The following FAM107A variants were observed in gnomAD, a reference collection of about 807,000 sequenced individuals.
FAM107A encodes actin-associated protein FAM107A.
In FAM107A, 19 loss-of-function variants were observed where a neutral mutation model predicts 13.7. The ratio of observed to expected loss-of-function variants is 1.38; its 90% CI spans 0.97 to 2.03. The LOEUF is 2.03. Ranked by LOEUF, FAM107A falls within the 30% of genes most tolerant of loss-of-function variation. The pLI, the probability that FAM107A is intolerant of heterozygous loss-of-function variation, is 0.00. For synonymous variants in FAM107A, 82 were observed against 74.5 expected, an observed-to-expected ratio of 1.10 and a Z score of -0.52; for missense variants, 203 against 184.4, an observed-to-expected ratio of 1.10 and a Z score of -0.58.
chr3:58,587,169 G>C, upstream of FAM107A: 1 of 1,299,306 alleles, frequency 7.7e-7, no homozygotes, highest in Non-Finnish European at 9.9e-7. Context: ...GCAGGGCGCG[G>C]GTGAACGTCT....
At chr3:58,627,474 G>A (rs1212018921) in exon 1 of FAM107A, 1 of 163,532 alleles carries the variant, frequency 6.1e-6, no homozygotes, top group Non-Finnish European at 1.3e-5. Flanking sequence ...GCTGGCTGAG[G>A]TGCAGAGCTC....
intron 1 of FAM107A, among the ~76,000 whole-genome samples, chr3:58,602,453 A>G (rs1472306376): frequency 6.6e-6 from 1 of 152,236 alleles, no homozygotes; most frequent in Non-Finnish European, 1.5e-5. Context: ...TCCATTTCTA[A>G]GAATTTAAGA....
intron 1 of FAM107A, among the ~76,000 whole-genome samples, chr3:58,600,811 A>G (rs2065747033): frequency 6.6e-6 from 1 of 152,174 alleles, no homozygotes; most frequent in African/African-American, 2.4e-5. Context: ...GGCAAAGAGA[A>G]CAGAGCTGCC....
At chr3:58,619,311 C>A (rs1000306142) in intron 1 of FAM107A, among the ~76,000 whole-genome samples, 6 of 152,160 alleles carry the variant, frequency 3.9e-5, no homozygotes, top group Admixed American at 3.9e-4. Flanking sequence ...CTTTACATAG[C>A]TGTTTTTTGA....
intron 1 of FAM107A, among the ~76,000 whole-genome samples, chr3:58,615,596 T>A (rs983174729): frequency 1.3e-5 from 2 of 151,958 alleles, no homozygotes; most frequent in African/African-American, 4.8e-5. Flanking sequence ...GGATTTTAGC[T>A]GGAGGGAAGA....
intron 1 of FAM107A, among the ~76,000 whole-genome samples, chr3:58,599,430 T>C (rs932362176): frequency 6.6e-6 from 1 of 152,246 alleles, no homozygotes; most frequent in African/African-American, 2.4e-5. Flanking sequence ...TTTTCCATAC[T>C]TGCCATCCGT....
At position 58,566,579 on chromosome 3, in the gene FAM107A, C is replaced by A; in HGVS notation, c.*9G>T. On this transcript the variant is annotated 3_prime_UTR_variant, in exon 4 of 4. Transcript: ENST00000360997. ...AGGGTGGGCAGTGGCCTGAGCCCGG[C>A]AGCTGGCCCTACAGCTCTCTCTCTT... is the stretch of plus-strand genomic sequence containing the variant. The A allele has an allele frequency of 6.2e-7, 1 of 1,605,890 alleles. No individual in the cohort carries two copies. The highest frequency in any genetic ancestry group is 1.1e-5 in the South Asian group (1 of 90,870).
chr3:58,627,023 G>A, intron 1 of FAM107A: 1 of 1,535,764 alleles, frequency 6.5e-7, no homozygotes, highest in Non-Finnish European at 8.7e-7. Context: ...GGCCTGGGTG[G>A]GCTGCAGGGG....
intron 2 of FAM107A, among the ~76,000 whole-genome samples, chr3:58,568,930 G>T (rs2063652217): frequency 6.6e-6 from 1 of 151,898 alleles, no homozygotes; most frequent in African/African-American, 2.4e-5. Flanking sequence ...CTCTGTCATT[G>T]CACACCACGG....
At chr3:58,591,507 T>A (rs886234323), upstream of FAM107A, among the ~76,000 whole-genome samples, 4 of 152,148 alleles carry the variant, frequency 2.6e-5, no homozygotes, top group African/African-American at 9.7e-5. The surrounding 1 kb of genome is among the most constrained non-coding windows in gnomAD (Gnocchi z 4.3). Flanking sequence ...ACTTCCTCCA[T>A]GCCTCATACT....
At chr3:58,602,890 G>C (rs1430637637) in intron 1 of FAM107A, among the ~76,000 whole-genome samples, 1 of 152,000 alleles carries the variant, frequency 6.6e-6, no homozygotes, top group Non-Finnish European at 1.5e-5. Flanking sequence ...ATGTTTGTGG[G>C]TGTAGATATG....
At chr3:58,567,173 G>A (rs1322942424) in intron 3 of FAM107A, 35 bp downstream of exon 3, 1 of 1,613,426 alleles carries the variant, frequency 6.2e-7, no homozygotes, top group Non-Finnish European at 8.5e-7. Flanking sequence ...CAGCCCTGGA[G>A]GATGCGTGGT....
rs376378490 is a variant in FAM107A at position 58,585,205 on chromosome 3, A to G, written c.79+1653T>C. On this transcript the variant is annotated intron_variant, in intron 1 of 3. Transcript: ENST00000447756. Reference sequence around the variant, plus strand: ...ATAGCTAAGAGGTGAGGGGGAACACAAGGCCTTCAGATTAGGGAGACCCCC... The same window carrying G: ...ATAGCTAAGAGGTGAGGGGGAACACGAGGCCTTCAGATTAGGGAGACCCCC... Among the ~76,000 whole-genome samples, 14 of 152,304 alleles carry G rather than the reference A, an allele frequency of 9.2e-5. No homozygotes were observed. The East Asian group carries it at 2.5e-3, about 27-fold the overall frequency.
intron 1 of FAM107A, among the ~76,000 whole-genome samples, chr3:58,620,762 C>G (rs1444630331): frequency 6.6e-6 from 1 of 152,214 alleles, no homozygotes; most frequent in African/African-American, 2.4e-5. Context: ...AACCTGTACA[C>G]CTGTTTGAAG....
chr3:58,623,797 A>G (rs1267733256), intron 1 of FAM107A, among the ~76,000 whole-genome samples: 2 of 152,224 alleles, frequency 1.3e-5, no homozygotes, highest in African/African-American at 4.8e-5. Flanking sequence ...AAAACTCTCC[A>G]TGTCCAAGAG....
Position 58,604,301 on chromosome 3 carries a change from A to G in FAM107A, c.-69-15032T>C, listed in dbSNP as rs1250696175. ...TGACATCCCAACTCGTGCTCCCTCC[A>G]GAGCATTAAACGCAGATCCAATTCC... On this transcript the variant is annotated intron_variant, in intron 1 of 3. Coordinates refer to the FAM107A transcript ENST00000465970. This position sits in a 1 kb window ranked among gnomAD's most constrained non-coding sequence, Gnocchi z 4.1. Among the ~76,000 whole-genome samples the G allele has an allele frequency of 4.6e-5, 7 of 152,142 alleles. No homozygotes were observed. Among genetic ancestry groups the G allele is most frequent in the Non-Finnish European group, 1.0e-4 (7 of 68,016 alleles).
rs1475120779 is a variant in FAM107A, at chr3:58,564,694, T to C, written c.*1894A>G. On this transcript the variant is annotated 3_prime_UTR_variant, in exon 4 of 4. Transcript: ENST00000360997. The surrounding 1 kb of genome is among the most constrained non-coding windows in gnomAD (Gnocchi z 5.6). ...CCTCTGTCTTGCTTCTCTTCACATG[T>C]CTGAACAACACATGGACCCGAGGGC... 6.6e-6 allele frequency: 1 copy of C among 152,266 alleles called. No homozygotes were observed. The highest frequency in any genetic ancestry group is 1.5e-5 in the Non-Finnish European group (1 of 68,064). The allele number at this position is 152,266 out of a possible 1,614,324, so 9.4% of individuals were successfully genotyped here.
chr3:58,594,539 G>A (rs918382912), intron 1 of FAM107A, among the ~76,000 whole-genome samples: 5 of 152,120 alleles, frequency 3.3e-5, no homozygotes, highest in African/African-American at 9.7e-5. Context: ...CTTACACAAG[G>A]TCTCTTCTTC....
chr3:58,566,897 C>T (rs538155452), intron 3 of FAM107A: 9 of 608,134 alleles, frequency 1.5e-5, no homozygotes, highest in South Asian at 1.4e-4. Context: ...TCACTCACCC[C>T]CTCTGGGCCT....
Sources: gnomAD v4.1 joint callset for allele counts (sites outside exome capture counted in the v4.1 genomes callset) on GRCh38, gnomAD v4.1.1 for gene constraint, Gnocchi (gnomAD v3.1) non-coding constraint, MANE v1.5 for transcripts, NCBI Gene and HGNC (gene_info 2026-07-23, HGNC 2026-07-21) for gene names.